TDRD12: variants seen among roughly 807,000 people sequenced by gnomAD.
TDRD12 encodes the protein putative ATP-dependent RNA helicase TDRD12.
Under a neutral mutation model 133.5 loss-of-function variants are expected in TDRD12, and 158 were observed. The observed-to-expected ratio is 1.18, with a 90% CI of 1.04 to 1.35. The LOEUF (loss-of-function observed/expected upper bound fraction) is 1.35. Ranked by LOEUF, TDRD12 falls within the 40% of genes most tolerant of loss-of-function variation. TDRD12 has a pLI of 0.00. For missense variants in TDRD12, 1,443 were observed against 1,321.3 expected (o/e 1.09, Z -1.43); for synonymous variants, 460 against 477.9 (o/e 0.96, Z 0.49).
At chr19:32,720,560 A>C (rs1307992757) in intron 1 of TDRD12, among the ~76,000 whole-genome samples, 4 of 3,778 alleles carry the variant, frequency 1.1e-3, no homozygotes, top group African/African-American at 1.9e-3. Flanking sequence ...CCCACTCCCA[A>C]CCCCACACAC....
chr19:32,820,477 T>C (rs1967341302), intron 27 of TDRD12, among the ~76,000 whole-genome samples: 1 of 152,116 alleles, frequency 6.6e-6, no homozygotes, highest in Non-Finnish European at 1.5e-5. Context: ...TACTACCATT[T>C]AAAAATTTTA....
intron 2 of TDRD12, among the ~76,000 whole-genome samples, chr19:32,734,864 G>C (rs1303283607): frequency 1.3e-5 from 2 of 151,948 alleles, no homozygotes; most frequent in Non-Finnish European, 2.9e-5. Context: ...GAACTTTTTT[G>C]TTATTATTCT....
chr19:32,811,458 A>G lies in TDRD12; in HGVS notation c.3048+38A>G, dbSNP rs1043454060. 9 of 1,491,444 alleles carry G rather than the reference A, an allele frequency of 6.0e-6. No homozygotes were observed. In the Admixed American group the frequency reaches 1.8e-4, roughly 29 times the overall value. The allele number at this position is 1,491,444 out of a possible 1,614,324, so 92.4% of individuals were successfully genotyped here. On this transcript the variant is annotated intron_variant, in intron 24 of 27. Transcript: ENST00000444215. Reference sequence around the variant, plus strand: ...GGCTTTTTATCTATTGTTGACTTTTAGAATATATTTAACCGAGAATATACA... The same window carrying G: ...GGCTTTTTATCTATTGTTGACTTTTGGAATATATTTAACCGAGAATATACA...
chr19:32,803,245 C>G (rs947365947), intron 21 of TDRD12, 103 bp downstream of exon 21: 1 of 878,664 alleles, frequency 1.1e-6, no homozygotes, highest in Middle Eastern at 2.4e-4. Context: ...AGCCACCACC[C>G]ACTCTGAGGG....
At chr19:32,809,736 G>A (rs8112013) in intron 22 of TDRD12, among the ~76,000 whole-genome samples, 11,167 of 152,122 alleles carry the variant, frequency 0.073, 708 homozygotes, top group East Asian at 0.24. Flanking sequence ...CTTGTTACCT[G>A]AAAAAAGATC....
At chr19:32,789,663 C>T (rs1568479440) in intron 11 of TDRD12, among the ~76,000 whole-genome samples, 1 of 152,204 alleles carries the variant, frequency 6.6e-6, no homozygotes, top group East Asian at 1.9e-4. Flanking sequence ...TGTACCCATT[C>T]ATCAGCTGAT....
At chr19:32,754,262 A>G (rs1248932306) in intron 6 of TDRD12, among the ~76,000 whole-genome samples, 2 of 152,198 alleles carry the variant, frequency 1.3e-5, no homozygotes, top group Non-Finnish European at 2.9e-5. Flanking sequence ...TGAGCTCCGG[A>G]GTTTGAGACC....
chr19:32,809,634 C>A (rs1269180529), intron 22 of TDRD12, among the ~76,000 whole-genome samples: 1 of 152,236 alleles, frequency 6.6e-6, no homozygotes, highest in Non-Finnish European at 1.5e-5. Context: ...TGTGGCCTCT[C>A]TGTCCACTTC....
At chr19:32,806,945 A>G (rs1209362237) in intron 21 of TDRD12, among the ~76,000 whole-genome samples, 1 of 152,222 alleles carries the variant, frequency 6.6e-6, no homozygotes, top group Non-Finnish European at 1.5e-5. Flanking sequence ...TACAGGCACG[A>G]GCCACTGTGC....
intron 17 of TDRD12, 93 bp downstream of exon 17, chr19:32,800,451 T>C: frequency 9.5e-7 from 1 of 1,055,224 alleles, no homozygotes; most frequent in East Asian, 2.7e-5. Flanking sequence ...TTTTATTTCA[T>C]GGCTTAGTAT....
chr19:32,777,953 C>T (rs1472384245), intron 11 of TDRD12, among the ~76,000 whole-genome samples: 3 of 137,862 alleles, frequency 2.2e-5, no homozygotes, highest in Admixed American at 7.8e-5. Context: ...TCAAATGATT[C>T]TCCTACCTCT....
At chr19:32,738,820 T>C in intron 2 of TDRD12, 36 bp from the exon 3 acceptor site, 2 of 1,542,480 alleles carry the variant, frequency 1.3e-6, no homozygotes, top group Non-Finnish European at 1.7e-6. Context: ...CTCAAAAAAA[T>C]AAATAAATAA....
chr19:32,748,449 T>C (rs1320797313), intron 4 of TDRD12, 27 bp from the exon 5 acceptor site: 2 of 1,547,506 alleles, frequency 1.3e-6, no homozygotes, highest in Non-Finnish European at 1.7e-6. Context: ...TTTTATGTAA[T>C]GGAGTTGCAT....
chr19:32,821,214 C>A, exon 28 of TDRD12: 1 of 1,212,444 alleles, frequency 8.2e-7, no homozygotes, highest in Non-Finnish European at 1.2e-6. Context: ...TTTAGACTTT[C>A]TACTTTGAGA....
At chr19:32,728,846 A>C (rs1459742780) in intron 1 of TDRD12, among the ~76,000 whole-genome samples, 1 of 129,724 alleles carries the variant, frequency 7.7e-6, no homozygotes, top group Non-Finnish European at 1.6e-5. Context: ...ATGGGGTTTC[A>C]CCATGTTAGC....
intron 6 of TDRD12, among the ~76,000 whole-genome samples, chr19:32,752,338 C>T (rs1325569660): frequency 6.6e-6 from 1 of 152,036 alleles, no homozygotes; most frequent in Non-Finnish European, 1.5e-5. Context: ...TGCCACCACA[C>T]CGGCTAATTT....
At chr19:32,809,081 T>C (rs1250396851) in intron 22 of TDRD12, among the ~76,000 whole-genome samples, 1 of 152,234 alleles carries the variant, frequency 6.6e-6, no homozygotes, top group Non-Finnish European at 1.5e-5. Flanking sequence ...AGGGTAACTT[T>C]TCTGATTTCA....
intron 24 of TDRD12, among the ~76,000 whole-genome samples, chr19:32,811,980 C>T (rs1409219286): frequency 6.6e-6 from 1 of 152,212 alleles, no homozygotes; most frequent in Non-Finnish European, 1.5e-5. Flanking sequence ...TCCACTGGTG[C>T]AGGGACGATG....
At chr19:32,761,844 C>G (rs546977996) in intron 8 of TDRD12, among the ~76,000 whole-genome samples, 1 of 151,800 alleles carries the variant, frequency 6.6e-6, no homozygotes, top group South Asian at 2.1e-4. Context: ...CGCCACCATG[C>G]CTGGCTAATT....
Sources: allele counts gnomAD v4.1 joint callset (sites outside exome capture counted in the v4.1 genomes callset), GRCh38; gene constraint gnomAD v4.1.1; transcripts MANE v1.5; gene names NCBI Gene and HGNC (gene_info 2026-07-23, HGNC 2026-07-21).